The following ELP4 variants were observed in gnomAD, a reference collection of about 807,000 sequenced individuals.
ELP4 encodes the protein elongator complex protein 4.
In ELP4, 51 loss-of-function variants were observed where a neutral mutation model predicts 48.9. The ratio of observed to expected loss-of-function variants is 1.04; its 90% CI spans 0.83 to 1.32. The LOEUF is 1.32. Ranked by LOEUF, ELP4 falls within the 40% of genes most tolerant of loss-of-function variation. The pLI is 0.00. For synonymous variants in ELP4, 210 were observed against 189.2 expected (o/e 1.11, Z -0.90); for missense variants, 519 against 514.6 (o/e 1.01, Z -0.08).
intron 3 of ELP4, among the ~76,000 whole-genome samples, chr11:31,555,869 A>G (rs1027800293): frequency 6.6e-5 from 10 of 152,120 alleles, no homozygotes; most frequent in Admixed American, 4.6e-4. Flanking sequence ...TAGTCCAACA[A>G]TGAATGACCA....
At position 31,784,104 on chromosome 11, in the gene ELP4, T is replaced by A. The variant is rs1235174419; in HGVS notation, c.*580T>A. ...TATTAAATATAAAGAACTTCAGTGA[T>A]AGGAAACATAGAAAAAAGAAGTGGA... On this transcript the variant is annotated 3_prime_UTR_variant, in exon 10 of 10. Coordinates refer to ENST00000640961, the MANE Select transcript of ELP4 (RefSeq NM_019040.5). 6.6e-6 allele frequency: 1 copy of A among 152,164 alleles called. No homozygotes were observed. The highest frequency in any genetic ancestry group is 1.5e-5 in the Non-Finnish European group (1 of 68,020). The allele number at this position is 152,164 out of a possible 1,614,324, so 9.4% of individuals were successfully genotyped here.
intron 3 of ELP4, among the ~76,000 whole-genome samples, chr11:31,564,554 G>T (rs186014155): frequency 6.6e-6 from 1 of 151,922 alleles, no homozygotes; most frequent in Non-Finnish European, 1.5e-5. Flanking sequence ...ACAAGCCCCG[G>T]TGTGTGATGT....
intron 9 of ELP4, among the ~76,000 whole-genome samples, chr11:31,772,807 A>G (rs1002422135): frequency 1.3e-5 from 2 of 152,230 alleles, no homozygotes; most frequent in Non-Finnish European, 2.9e-5. Flanking sequence ...ATACTGGAAA[A>G]AAAAAATTAT....
chr11:31,773,594 A>G (rs1033074187), intron 9 of ELP4, among the ~76,000 whole-genome samples: 2 of 152,222 alleles, frequency 1.3e-5, no homozygotes, highest in African/African-American at 4.8e-5. Flanking sequence ...CTCAACTTCC[A>G]CAACTGTCTC....
chr11:31,622,890 C>A (rs2134029868), intron 5 of ELP4, among the ~76,000 whole-genome samples: 1 of 151,420 alleles, frequency 6.6e-6, no homozygotes, highest in South Asian at 2.1e-4. Context: ...GCACATGGAA[C>A]AATTTTACTT....
intron 9 of ELP4, among the ~76,000 whole-genome samples, chr11:31,676,756 G>C (rs1274205985): frequency 1.3e-5 from 2 of 152,132 alleles, no homozygotes; most frequent in African/African-American, 4.8e-5. Flanking sequence ...GGCTTAGAGA[G>C]GTTAAGTCAT....
At chr11:31,618,901 C>CA (rs969205892) in intron 5 of ELP4, among the ~76,000 whole-genome samples, 2 of 151,008 alleles carry the variant, frequency 1.3e-5, no homozygotes, top group African/African-American at 4.9e-5. Flanking sequence ...AAGTTGTTAC[C>CA]AAAAAAAAGA....
chr11:31,767,436 A>G (rs1340199430), intron 9 of ELP4: 1 of 152,108 alleles, frequency 6.6e-6, no homozygotes, highest in Non-Finnish European at 1.5e-5. Flanking sequence ...GTGGGGGGAA[A>G]TCCCCCACAT....
chr11:31,632,431 T>C (rs774368495), intron 7 of ELP4, 26 bp downstream of exon 7: 1 of 1,570,324 alleles, frequency 6.4e-7, no homozygotes, highest in Non-Finnish European at 8.7e-7. Flanking sequence ...AACTACTTTT[T>C]CATAATTCAT....
At position 31,716,969 on chromosome 11, in the gene ELP4, A is replaced by G. The variant is rs546726863; in HGVS notation, c.1144-66424A>G. 3.3e-5 allele frequency among the ~76,000 whole-genome samples: 5 copies of G among 152,366 alleles called. No individual in the cohort carries two copies. In the South Asian group the frequency reaches 8.3e-4, roughly 25 times the overall value. Reference sequence around the variant, plus strand: ...GGACTAGAATAATGGATGAGATTCTATTGACCAGTGAGAAGATAATGAACA... The same window carrying G: ...GGACTAGAATAATGGATGAGATTCTGTTGACCAGTGAGAAGATAATGAACA... On this transcript the variant is annotated intron_variant, in intron 9 of 9. Transcript: ENST00000640961.
At chr11:31,765,477 A>G (rs534872328) in intron 9 of ELP4, among the ~76,000 whole-genome samples, 61 of 152,302 alleles carry the variant, frequency 4.0e-4, no homozygotes, top group Non-Finnish European at 6.8e-4. Context: ...ATTCTAATCA[A>G]TATTTTCTAT....
chr11:31,515,314 C>T (rs1438068821), intron 1 of ELP4, among the ~76,000 whole-genome samples: 3 of 151,980 alleles, frequency 2.0e-5, no homozygotes, highest in Non-Finnish European at 4.4e-5. Flanking sequence ...CCCATTATGT[C>T]TTAATGTTCA....
At chr11:31,613,298 A>G (rs926102142) in intron 5 of ELP4, among the ~76,000 whole-genome samples, 5 of 152,166 alleles carry the variant, frequency 3.3e-5, no homozygotes, top group Non-Finnish European at 7.3e-5. Flanking sequence ...AATTCAGGAG[A>G]TGTTAATTTA....
intron 7 of ELP4, among the ~76,000 whole-genome samples, chr11:31,638,025 A>G (rs1298744126): frequency 6.6e-6 from 1 of 151,946 alleles, no homozygotes; most frequent in Non-Finnish European, 1.5e-5. Flanking sequence ...GTCAGGAAAT[A>G]AATATTGAAA....
intron 9 of ELP4, among the ~76,000 whole-genome samples, chr11:31,742,217 A>G (rs1458275025): frequency 6.6e-6 from 1 of 152,226 alleles, no homozygotes; most frequent in Non-Finnish European, 1.5e-5. Context: ...AAAGAAACGA[A>G]CAAAGCCTAC....
At chr11:31,629,896 A>G (rs1223326976) in intron 6 of ELP4, among the ~76,000 whole-genome samples, 1 of 151,560 alleles carries the variant, frequency 6.6e-6, no homozygotes, top group Non-Finnish European at 1.5e-5. Context: ...TTGCCATTTT[A>G]CTTAAATTCT....
intron 9 of ELP4, among the ~76,000 whole-genome samples, chr11:31,778,602 T>G (rs1413987199): frequency 1.3e-5 from 2 of 152,210 alleles, no homozygotes; most frequent in Non-Finnish European, 2.9e-5. Flanking sequence ...CACTTACACA[T>G]CTCATTTTAT....
intron 5 of ELP4, among the ~76,000 whole-genome samples, chr11:31,623,747 G>A (rs893787730): frequency 1.3e-5 from 2 of 150,606 alleles, no homozygotes; most frequent in Admixed American, 1.3e-4. Flanking sequence ...GTGCAAAAAT[G>A]GTAACAATCA....
At chr11:31,573,067 A>G (rs1191186182) in intron 3 of ELP4, among the ~76,000 whole-genome samples, 1 of 152,228 alleles carries the variant, frequency 6.6e-6, no homozygotes, top group Admixed American at 6.5e-5. Flanking sequence ...GAAGATTGGT[A>G]TGAATTCTTC....
Sources: allele counts gnomAD v4.1 joint callset (sites outside exome capture counted in the v4.1 genomes callset), GRCh38; gene constraint gnomAD v4.1.1; transcripts MANE v1.5; gene names NCBI Gene and HGNC (gene_info 2026-07-23, HGNC 2026-07-21).